ATG5: variants seen among roughly 807,000 people sequenced by gnomAD.
The protein encoded by ATG5 is autophagy related 5.
In ATG5, 14 loss-of-function variants were observed where a neutral mutation model predicts 36.5. The ratio of observed to expected loss-of-function variants is 0.38; its 90% CI spans 0.25 to 0.60. ATG5 has a LOEUF of 0.60. Among genes scored for constraint, ATG5 ranks in the 20% least tolerant of loss-of-function variants. The probability of loss-of-function intolerance (pLI) is 0.60; values close to 1 mark genes in which losing one functional copy is unlikely to be tolerated. For synonymous variants in ATG5, 95 were observed against 101.5 expected, an observed-to-expected ratio of 0.94 and a Z score of 0.38; for missense variants, 195 against 326.7, an observed-to-expected ratio of 0.60 and a Z score of 3.11.
intron 6 of ATG5, among the ~76,000 whole-genome samples, chr6:106,235,723 G>C (rs1450695684): frequency 1.3e-5 from 2 of 152,096 alleles, no homozygotes; most frequent in East Asian, 3.9e-4. Flanking sequence ...ATAAACCCAG[G>C]CATTCAAGCC....
At position 106,249,575 on chromosome 6, in the gene ATG5, G is replaced by A. The variant is rs576026058; in HGVS notation, c.479-1331C>T. Among the ~76,000 whole-genome samples the A allele has an allele frequency of 1.1e-4, 16 of 152,272 alleles. No homozygotes were observed. The East Asian group carries it at 3.1e-3, about 29-fold the overall frequency. ...AACATTTGTAAACACATTTTCGTGTGGACATATGTTTTCAGTTCTCTTGGG... is the reference window on the plus strand; with the variant it reads ...AACATTTGTAAACACATTTTCGTGTAGACATATGTTTTCAGTTCTCTTGGG... On this transcript the variant is annotated intron_variant, in intron 5 of 7. Coordinates refer to ENST00000369076, the MANE Select transcript of ATG5 (RefSeq NM_004849.4).
intron 6 of ATG5, among the ~76,000 whole-genome samples, chr6:106,225,876 C>A (rs1205180598): frequency 2.0e-5 from 3 of 152,102 alleles, no homozygotes; most frequent in African/African-American, 7.2e-5. Context: ...ATGGGACAAA[C>A]AAGCTAACCA....
intron 5 of ATG5, among the ~76,000 whole-genome samples, chr6:106,254,370 G>T (rs605457): frequency 0.053 from 8,096 of 152,174 alleles, 583 homozygotes; most frequent in East Asian, 0.24. Flanking sequence ...TAAGTCCCAT[G>T]AGGGCAAAGA....
intron 7 of ATG5, among the ~76,000 whole-genome samples, chr6:106,198,713 T>C (rs1029636574): frequency 5.3e-5 from 8 of 151,174 alleles, no homozygotes; most frequent in African/African-American, 1.9e-4. Flanking sequence ...GAGGTGGAGG[T>C]TGCAGTTAGC....
intron 6 of ATG5, among the ~76,000 whole-genome samples, chr6:106,223,542 C>G (rs1008356048): frequency 6.6e-6 from 1 of 152,098 alleles, no homozygotes; most frequent in South Asian, 2.1e-4. Context: ...TTACCTATTT[C>G]TTTTAAAAGG....
intron 5 of ATG5, among the ~76,000 whole-genome samples, chr6:106,266,542 C>T (rs1467744090): frequency 6.6e-6 from 1 of 152,052 alleles, no homozygotes; most frequent in Non-Finnish European, 1.5e-5. Context: ...GGCAGAGACA[C>T]AACAAAAAAA....
intron 6 of ATG5, among the ~76,000 whole-genome samples, chr6:106,218,021 T>C (rs1777103571): frequency 1.3e-5 from 2 of 152,212 alleles, no homozygotes; most frequent in African/African-American, 4.8e-5. Flanking sequence ...AAGAAAATAG[T>C]ATACATCAAA....
rs542068485 is a variant in ATG5 at position 106,209,225 on chromosome 6, G to A, written c.574-7136C>T. On this transcript the variant is annotated intron_variant, in intron 6 of 7. Coordinates refer to ENST00000369076, the MANE Select transcript of ATG5 (RefSeq NM_004849.4). Reference sequence around the variant, plus strand: ...TTCTCCAAAAAACTTATACATGAACGTTCATAGCTGTTTTATTCGTGAGAG... The same window carrying A: ...TTCTCCAAAAAACTTATACATGAACATTCATAGCTGTTTTATTCGTGAGAG... 1.4e-4 allele frequency among the ~76,000 whole-genome samples: 21 copies of A among 152,120 alleles called. No homozygotes were observed. In the South Asian group the frequency reaches 2.9e-3, roughly 21 times the overall value.
rs79825908 is a variant in ATG5 at position 106,312,693 on chromosome 6, A to G, written c.108+3408T>C. On this transcript the variant is annotated intron_variant, in intron 2 of 7. Transcript: ENST00000369076. ...CAGACAGGCAAAAGCAAAACCAAGG[A>G]TACTGAGCACTGCAGGGCTAACAGG... is the stretch of plus-strand genomic sequence containing the variant. 7.2e-5 allele frequency among the ~76,000 whole-genome samples: 11 copies of G among 151,994 alleles called. No homozygotes were observed. In the East Asian group the frequency reaches 2.1e-3, roughly 29 times the overall value.
At chr6:106,264,120 C>G (rs1779137344) in intron 5 of ATG5, among the ~76,000 whole-genome samples, 1 of 152,060 alleles carries the variant, frequency 6.6e-6, no homozygotes, top group South Asian at 2.1e-4. Context: ...GAAATGCTAA[C>G]TAGAATAACC....
chr6:106,222,041 G>A (rs959435195), intron 6 of ATG5, among the ~76,000 whole-genome samples: 40 of 151,994 alleles, frequency 2.6e-4, no homozygotes, highest in African/African-American at 8.0e-4. Context: ...ACAGGTGTGC[G>A]TCACCCTGCC....
intron 1 of ATG5, among the ~76,000 whole-genome samples, chr6:106,317,732 T>C (rs1770907510): frequency 6.6e-6 from 1 of 152,230 alleles, no homozygotes; most frequent in South Asian, 2.1e-4. Flanking sequence ...CTATTGAGTT[T>C]CTGCATTTGG....
intron 5 of ATG5, 109 bp downstream of exon 5, chr6:106,279,552 C>T (rs1210790064): frequency 9.9e-7 from 1 of 1,013,210 alleles, no homozygotes; most frequent in Non-Finnish European, 1.3e-6. Context: ...ACAGAGGCTA[C>T]AATTTAAACT....
rs139286876 is a variant in ATG5 at position 106,209,553 on chromosome 6, T to C, written c.574-7464A>G. 1.7e-3 allele frequency among the ~76,000 whole-genome samples: 263 copies of C among 152,332 alleles called. 2 individuals carry two copies. The highest frequency in any genetic ancestry group is 5.8e-3 in the African/African-American group (243 of 41,568). On this transcript the variant is annotated intron_variant, in intron 6 of 7. Transcript: ENST00000369076. ...AGAAATGCAGTAAGGTAGGTGGCTG[T>C]GGCTATAAAAGGGTAGCCTAAGAGA...
chr6:106,293,063 A>C lies in ATG5; in HGVS notation c.280T>G (p.Ser94Ala), dbSNP rs1174454698. ...GLLFDLLASSSALPWNITVHF... is the reference protein window; with the variant it reads ...GLLFDLLASSAALPWNITVHF... ...ACTGTGATGTTCCAAGGAAGAGCTG[A>C]ACTTGATGCAAGAAGATCAAATAGC... The change falls in exon 4 of 8, where the codon TCA (serine) becomes GCA (alanine). Residue 94 changes from serine to alanine, a missense_variant. Ser to Ala is a moderately conservative substitution (Grantham distance 99). Transcript: ENST00000369076. 1 of 1,613,738 alleles carries C rather than the reference A, an allele frequency of 6.2e-7. No individual in the cohort carries two copies. Among genetic ancestry groups the C allele is most frequent in the Admixed American group, 1.7e-5 (1 of 60,018 alleles).
chr6:106,304,287 A>T (rs937887735), intron 3 of ATG5: 3 of 152,266 alleles, frequency 2.0e-5, no homozygotes, highest in Non-Finnish European at 2.9e-5. Context: ...AAATTTTTTT[A>T]AATTATAAAA....
At position 106,308,320 on chromosome 6, in the gene ATG5, CTAGTA is replaced by C. The variant is rs905584743; in HGVS notation, c.236+39_236+43del. On this transcript the variant is annotated intron_variant, in intron 3 of 7. Coordinates refer to ENST00000369076, the MANE Select transcript of ATG5 (RefSeq NM_004849.4). ...TTCAGGGCACTATACCTTTTTAAAG[CTAGTA>C]TATACTTAATGCTTAATAATGCAGA... 2.1e-6 allele frequency: 3 copies of C among 1,445,462 alleles called. No homozygotes were observed. In the African/African-American group the frequency reaches 4.4e-5, roughly 21 times the overall value. 89.5% of individuals were successfully genotyped at this position (1,445,462 alleles called of 1,614,324 possible). A position where few individuals can be genotyped will look rare whatever the true frequency, so the allele number is the denominator to read the frequency against.
At chr6:106,264,026 T>G (rs541558447) in intron 5 of ATG5, among the ~76,000 whole-genome samples, 1 of 152,172 alleles carries the variant, frequency 6.6e-6, no homozygotes, top group East Asian at 1.9e-4. Context: ...CTTCAGAAGG[T>G]GGGTAATAAC....
At chr6:106,215,593 A>C (rs1777004688) in intron 6 of ATG5, among the ~76,000 whole-genome samples, 1 of 152,168 alleles carries the variant, frequency 6.6e-6, no homozygotes, top group African/African-American at 2.4e-5. Flanking sequence ...AATTTTAAAA[A>C]CATAGCACTT....
Sources: allele counts gnomAD v4.1 joint callset (sites outside exome capture counted in the v4.1 genomes callset), GRCh38; gene constraint gnomAD v4.1.1; transcripts MANE v1.5; gene names NCBI Gene and HGNC (gene_info 2026-07-23, HGNC 2026-07-21).